FCHO2: variants seen among roughly 807,000 people sequenced by gnomAD.
The protein encoded by FCHO2 is F-BAR domain only protein 2.
FCHO2 carries 43 observed loss-of-function variants against 114.1 expected under a neutral mutation model. The ratio of observed to expected loss-of-function variants is 0.38; its 90% CI spans 0.30 to 0.49. The LOEUF (loss-of-function observed/expected upper bound fraction) is 0.49. FCHO2 is among the 20% of genes least tolerant of loss of function. The pLI is 0.97. For missense variants in FCHO2, 807 were observed against 950.4 expected (o/e 0.85, Z 1.98); for synonymous variants, 293 against 315.2 (o/e 0.93, Z 0.75).
In FCHO2 at chr5:73,046,616, GA is replaced by G. The variant is rs201473071; in HGVS notation, c.940-4726del. Reference sequence around the variant, plus strand: ...ACTTGGAATGGGGACAAAGTATTTTGAAAAAAACCTTTCATTCTGATTTCTA... The same window carrying G: ...ACTTGGAATGGGGACAAAGTATTTTGAAAAAACCTTTCATTCTGATTTCTA... On this transcript the variant is annotated intron_variant, in intron 11 of 25. Transcript: ENST00000430046. Among the ~76,000 whole-genome samples, 540 of 151,896 alleles carry G rather than the reference GA, an allele frequency of 3.6e-3. 5 individuals are homozygous for G. Among genetic ancestry groups the G allele is most frequent in the African/African-American group, 0.013 (525 of 41,460 alleles).
intron 2 of FCHO2, among the ~76,000 whole-genome samples, chr5:72,973,645 A>G (rs1402827436): frequency 1.3e-5 from 2 of 149,294 alleles, no homozygotes; most frequent in African/African-American, 4.9e-5. Context: ...GATCCTTTCA[A>G]AAAACCAGCT....
chr5:73,060,999 T>A (rs1169803375), intron 17 of FCHO2, among the ~76,000 whole-genome samples: 1 of 142,686 alleles, frequency 7.0e-6, no homozygotes, highest in Non-Finnish European at 1.6e-5. Context: ...ATTGAACTCT[T>A]GTGCTCACAA....
At chr5:72,985,934 T>C in intron 2 of FCHO2, among the ~76,000 whole-genome samples, 1 of 152,174 alleles carries the variant, frequency 6.6e-6, no homozygotes, top group East Asian at 1.9e-4. Flanking sequence ...TCCCCATTAT[T>C]ATTTCTTCAA....
chr5:73,052,210 G>A (rs1561479986), intron 12 of FCHO2, 122 bp from the exon 13 acceptor site: 7 of 990,234 alleles, frequency 7.1e-6, no homozygotes, highest in East Asian at 2.6e-5. Context: ...GGCGTGAGCC[G>A]TCGCACCCGG....
chr5:73,027,990 G>GGT (rs1756031900), intron 8 of FCHO2, among the ~76,000 whole-genome samples: 1 of 152,144 alleles, frequency 6.6e-6, no homozygotes. Flanking sequence ...TTGAGCCCAG[G>GGT]AAGTCGAGAC....
At chr5:73,082,643 CT>C (rs1468606824) in intron 23 of FCHO2, 117 bp from the exon 24 acceptor site, 12 of 792,958 alleles carry the variant, frequency 1.5e-5, no homozygotes, top group Non-Finnish European at 2.4e-5. Context: ...ACTACTTAAA[CT>C]TAGCAATATA....
intron 5 of FCHO2, among the ~76,000 whole-genome samples, chr5:72,998,066 A>G (rs1315763372): frequency 6.6e-6 from 1 of 152,014 alleles, no homozygotes; most frequent in Non-Finnish European, 1.5e-5. Flanking sequence ...AATGCTATTT[A>G]TATACAGGTA....
chr5:73,041,372 A>G, intron 11 of FCHO2, 57 bp downstream of exon 11: 1 of 1,069,548 alleles, frequency 9.3e-7, no homozygotes, highest in Non-Finnish European at 1.4e-6. Flanking sequence ...CATTAGGACA[A>G]ACCTAACACA....
At chr5:73,018,974 G>T (rs1483212909) in intron 8 of FCHO2, among the ~76,000 whole-genome samples, 1 of 152,164 alleles carries the variant, frequency 6.6e-6, no homozygotes, top group African/African-American at 2.4e-5. Flanking sequence ...AGACTCATAG[G>T]GACATACATT....
rs1389933613 is a variant in FCHO2, at chr5:72,959,352, T to A, written c.33+3223T>A. 4.6e-5 allele frequency among the ~76,000 whole-genome samples: 7 copies of A among 151,734 alleles called. 1 individual carries two copies. The highest frequency in any genetic ancestry group is 1.7e-4 in the African/African-American group (7 of 41,258). On this transcript the variant is annotated intron_variant, in intron 1 of 25. Transcript: ENST00000430046. ...TAGACCTTGTCTCTACAAAAAATTT[T>A]AAAAAATTAGCCAAGTGTGGTGGCA...
intron 22 of FCHO2, among the ~76,000 whole-genome samples, chr5:73,080,211 A>T (rs1402059715): frequency 6.6e-6 from 1 of 152,238 alleles, no homozygotes; most frequent in East Asian, 1.9e-4. Flanking sequence ...GTCAGTAGTA[A>T]TGAGAGCAGT....
intron 16 of FCHO2, among the ~76,000 whole-genome samples, chr5:73,057,291 C>T (rs185883398): frequency 5.8e-4 from 89 of 152,156 alleles, no homozygotes; most frequent in Non-Finnish European, 4.6e-4. Context: ...TTATTTGATA[C>T]TTTTGAGGTA....
At chr5:72,989,601 A>G (rs1753717003) in intron 3 of FCHO2, 100 bp downstream of exon 3, 1 of 727,188 alleles carries the variant, frequency 1.4e-6, no homozygotes, top group Non-Finnish European at 2.2e-6. Flanking sequence ...GCATAGTAAA[A>G]TATATGCTTA....
chr5:72,975,666 G>C (rs746702689), intron 2 of FCHO2, among the ~76,000 whole-genome samples: 4 of 152,024 alleles, frequency 2.6e-5, no homozygotes. Flanking sequence ...CACCATGCCT[G>C]GCTAATTTTT....
At chr5:72,973,147 A>G (rs905924224) in intron 2 of FCHO2, among the ~76,000 whole-genome samples, 7 of 152,152 alleles carry the variant, frequency 4.6e-5, no homozygotes, top group African/African-American at 7.2e-5. Context: ...CATCAAGGCT[A>G]TTGGTCTAAA....
At chr5:72,990,377 G>A (rs1753754710) in intron 3 of FCHO2, 101 bp from the exon 4 acceptor site, 2 of 816,368 alleles carry the variant, frequency 2.4e-6, no homozygotes, top group Non-Finnish European at 3.7e-6. Context: ...CCTAAATAAA[G>A]TTGCCATATA....
chr5:73,067,554 A>ATC (rs2112871833), intron 18 of FCHO2, among the ~76,000 whole-genome samples: 1 of 152,232 alleles, frequency 6.6e-6, no homozygotes, highest in East Asian at 1.9e-4. Flanking sequence ...TAAAATGTGT[A>ATC]TCTCTAAGTT....
chr5:73,017,699 G>A (rs575215433), intron 8 of FCHO2, among the ~76,000 whole-genome samples: 173 of 152,044 alleles, frequency 1.1e-3, no homozygotes, highest in African/African-American at 4.0e-3. Flanking sequence ...AATATTGAAC[G>A]CTCAGAACAT....
At chr5:73,029,379 AGAG>A (rs1363384246) in intron 8 of FCHO2, among the ~76,000 whole-genome samples, 1 of 152,214 alleles carries the variant, frequency 6.6e-6, no homozygotes. Flanking sequence ...TGTGTATGTA[AGAG>A]GAGATTATAT....
Sources: allele counts gnomAD v4.1 joint callset (sites outside exome capture counted in the v4.1 genomes callset), GRCh38; gene constraint gnomAD v4.1.1; transcripts MANE v1.5; gene names NCBI Gene and HGNC (gene_info 2026-07-23, HGNC 2026-07-21).